Variants in NMU observed in about 807,000 individuals in gnomAD.
NMU encodes the protein neuromedin U.
Under a neutral mutation model 35.4 loss-of-function variants are expected in NMU, and 29 were observed. That is an observed-to-expected ratio of 0.82 (90% CI 0.61 to 1.12). NMU has a LOEUF of 1.12. Among genes scored for constraint, NMU ranks in the 50% most tolerant of loss-of-function variants. The pLI, the probability that NMU is intolerant of heterozygous loss-of-function variation, is 0.00. For missense variants in NMU, 199 were observed against 206.2 expected, an observed-to-expected ratio of 0.97 and a Z score of 0.21; for synonymous variants, 78 against 81.3, an observed-to-expected ratio of 0.96 and a Z score of 0.22.
At chr4:55,635,436 T>TTTA (rs1715856729) in intron 1 of NMU, among the ~76,000 whole-genome samples, 1 of 152,198 alleles carries the variant, frequency 6.6e-6, no homozygotes, top group Non-Finnish European at 1.5e-5. Context: ...AAAGCCTGGC[T>TTTA]TGCACACTTG....
intron 9 of NMU, among the ~76,000 whole-genome samples, chr4:55,596,361 GGTTT>G (rs1733181027): frequency 7.4e-6 from 1 of 135,786 alleles, no homozygotes. Context: ...CAATTTTGGA[GGTTT>G]TTTTTTTTTT....
chr4:55,626,196 A>T (rs12498734), intron 2 of NMU, among the ~76,000 whole-genome samples: 1 of 152,028 alleles, frequency 6.6e-6, no homozygotes, highest in Non-Finnish European at 1.5e-5. Context: ...AGAAAGTGAC[A>T]CTTTGCTCTT....
rs367924703 is a variant in NMU, at chr4:55,616,405, C to G, written c.172-20G>C. The G allele has an allele frequency of 2.5e-6, 4 of 1,590,908 alleles. No individual in the cohort carries two copies. The African/African-American group carries it at 5.4e-5, about 21-fold the overall frequency. ...ATCTATCTGTAGAAAACAAAAATGT[C>G]AGTTACATCCTGGGAATGGACAGAA... is the stretch of plus-strand genomic sequence containing the variant. On this transcript the variant is annotated intron_variant, in intron 2 of 9. Transcript: ENST00000264218.
At chr4:55,598,397 A>C (rs1266850584) in intron 9 of NMU, among the ~76,000 whole-genome samples, 1 of 152,218 alleles carries the variant, frequency 6.6e-6, no homozygotes, top group Non-Finnish European at 1.5e-5. Context: ...TATTTGAAAA[A>C]ATATGTTCAG....
intron 4 of NMU, among the ~76,000 whole-genome samples, chr4:55,608,047 C>T (rs900219054): frequency 6.6e-6 from 1 of 151,880 alleles, no homozygotes; most frequent in African/African-American, 2.4e-5. Flanking sequence ...GTGGGGCGAG[C>T]GCCTGTAGTC....
intron 3 of NMU, among the ~76,000 whole-genome samples, chr4:55,612,562 G>A (rs554635145): frequency 6.6e-6 from 1 of 151,938 alleles, no homozygotes; most frequent in East Asian, 1.9e-4. Flanking sequence ...CAAAACAATA[G>A]AAAGAAAATA....
chr4:55,619,982 C>T (rs1734320144), intron 2 of NMU, among the ~76,000 whole-genome samples: 1 of 149,110 alleles, frequency 6.7e-6, no homozygotes, highest in African/African-American at 2.4e-5. Flanking sequence ...AACTAACAAC[C>T]AGAAAGGACA....
At chr4:55,613,909 A>G (rs2110198304) in intron 3 of NMU, among the ~76,000 whole-genome samples, 1 of 152,370 alleles carries the variant, frequency 6.6e-6, no homozygotes, top group Middle Eastern at 3.4e-3. Context: ...ACCCAGCCAC[A>G]GAAGTAAGCC....
chr4:55,604,679 A>ATATTTTTTTTT (rs1553909885), intron 7 of NMU, among the ~76,000 whole-genome samples: 6 of 47,610 alleles, frequency 1.3e-4, no homozygotes, highest in African/African-American at 5.8e-4. Flanking sequence ...TGCCTGGCTA[A>ATATTTTTTTTT]TTTTTTTTTT....
intron 2 of NMU, among the ~76,000 whole-genome samples, chr4:55,619,857 C>T (rs879452923): frequency 1.5e-5 from 2 of 134,480 alleles, no homozygotes; most frequent in Non-Finnish European, 3.3e-5. Flanking sequence ...GTCCCTGACC[C>T]CTGACCCCCG....
intron 2 of NMU, 65 bp downstream of exon 2, chr4:55,630,337 T>C: frequency 8.4e-7 from 1 of 1,189,536 alleles, no homozygotes; most frequent in South Asian, 1.2e-5. Flanking sequence ...CAATTATACA[T>C]TTTAACATGA....
At chr4:55,618,884 CT>C (rs775458324) in intron 2 of NMU, among the ~76,000 whole-genome samples, 611 of 127,752 alleles carry the variant, frequency 4.8e-3, no homozygotes, top group Middle Eastern at 0.019. Flanking sequence ...TTCTCTCTTT[CT>C]TTTTTTTTTT....
At chr4:55,596,347 T>C (rs2110176333) in intron 9 of NMU, among the ~76,000 whole-genome samples, 1 of 147,858 alleles carries the variant, frequency 6.8e-6, no homozygotes, top group East Asian at 1.9e-4. Flanking sequence ...AAAGCAATTA[T>C]TCTCAATTTT....
At chr4:55,608,754 T>C (rs1733808367) in intron 4 of NMU, among the ~76,000 whole-genome samples, 1 of 152,082 alleles carries the variant, frequency 6.6e-6, no homozygotes, top group Non-Finnish European at 1.5e-5. Context: ...AAGTACAATG[T>C]CCTGACCTTT....
At chr4:55,630,562 G>A (rs76874804) in intron 1 of NMU, 102 bp from the exon 2 acceptor site, 70 of 856,772 alleles carry the variant, frequency 8.2e-5, no homozygotes, top group Non-Finnish European at 1.2e-4. Context: ...ATTTTTCACT[G>A]TACATCATCA....
chr4:55,597,687 C>T (rs192532492), intron 9 of NMU, among the ~76,000 whole-genome samples: 2 of 152,236 alleles, frequency 1.3e-5, no homozygotes, highest in East Asian at 3.9e-4. Context: ...TTCTAGATAA[C>T]ATATTCCAAT....
intron 2 of NMU, among the ~76,000 whole-genome samples, chr4:55,624,121 T>C (rs928111350): frequency 6.6e-6 from 1 of 150,488 alleles, no homozygotes; most frequent in Non-Finnish European, 1.5e-5. Context: ...AAGAACTTCA[T>C]GACTAAACAC....
rs1377730692 is a variant in NMU, at chr4:55,619,891, C to T, written c.172-3506G>A. 3.2e-3 allele frequency among the ~76,000 whole-genome samples: 400 copies of T among 126,314 alleles called. 2 individuals carry two copies. The highest frequency in any genetic ancestry group is 7.5e-3 in the Middle Eastern group (2 of 266). The allele number at this position is 126,314 out of a possible 152,430, so 82.9% of individuals were successfully genotyped here. A position where few individuals can be genotyped will look rare whatever the true frequency, so the allele number is the denominator to read the frequency against. ...CGAGCAGCCTAACTGGGAGGCACCC[C>T]CCAGCAGGGGCACACTGACACCTCA... On this transcript the variant is annotated intron_variant, in intron 2 of 9. Coordinates refer to ENST00000264218, the MANE Select transcript of NMU (RefSeq NM_006681.4).
chr4:55,627,896 A>G (rs1734596958), intron 2 of NMU, among the ~76,000 whole-genome samples: 1 of 152,240 alleles, frequency 6.6e-6, no homozygotes, highest in African/African-American at 2.4e-5. Context: ...ACTCTTAGCA[A>G]GACAGGAAAA....
Sources: gnomAD v4.1 joint callset for allele counts (sites outside exome capture counted in the v4.1 genomes callset) on GRCh38, gnomAD v4.1.1 for gene constraint, MANE v1.5 for transcripts, NCBI Gene and HGNC (gene_info 2026-07-23, HGNC 2026-07-21) for gene names.